The following FAM86B1 variants were observed in gnomAD, a reference collection of about 807,000 sequenced individuals.
FAM86B1 encodes the protein putative protein N-methyltransferase FAM86B1.
For synonymous variants in FAM86B1, 4 were observed against 137.6 expected (o/e 0.03, Z 6.79); for missense variants, 13 against 328.1 (o/e 0.04, Z 7.42).
intron 1 of FAM86B1, among the ~76,000 whole-genome samples, chr8:12,193,119 G>A (rs1166546341): frequency 7.0e-6 from 1 of 143,376 alleles, no homozygotes; most frequent in Non-Finnish European, 1.5e-5. Flanking sequence ...TTAGCATTCA[G>A]TGTGGGCATG....
Position 12,191,021 on chromosome 8 carries a change from A to C in FAM86B1, c.159+758T>G, listed in dbSNP as rs1172923805. Among the ~76,000 whole-genome samples, 14 of 148,776 alleles carry C rather than the reference A, an allele frequency of 9.4e-5. No homozygotes were observed. The East Asian group carries it at 2.8e-3, about 29-fold the overall frequency. ...CATGCTCGAAGCCCTGACCTACTGT[A>C]TTGCCCCGAAAGTCTTCCCTGCTGT... On this transcript the variant is annotated intron_variant, in intron 2 of 6. Transcript: ENST00000448228.
intron 1 of FAM86B1, among the ~76,000 whole-genome samples, chr8:12,192,807 G>A (rs1356849404): frequency 1.3e-5 from 2 of 150,314 alleles, no homozygotes; most frequent in Admixed American, 6.6e-5. Flanking sequence ...AGCTAACACC[G>A]ACATGCATTT....
chr8:12,193,375 G>A (rs1448225373), intron 1 of FAM86B1, among the ~76,000 whole-genome samples: 1 of 142,020 alleles, frequency 7.0e-6, no homozygotes, highest in Non-Finnish European at 1.5e-5. Flanking sequence ...ATGGAACGGG[G>A]TGCATTAAGC....
intron 2 of FAM86B1, among the ~76,000 whole-genome samples, chr8:12,191,031 A>G (rs868293136): frequency 0.011 from 1,627 of 148,186 alleles, 7 homozygotes; most frequent in African/African-American, 0.04. Context: ...ATTGCCCCGA[A>G]AGTCTTCCCT....
intron 2 of FAM86B1, among the ~76,000 whole-genome samples, chr8:12,191,142 G>T (rs1198295570): frequency 8.6e-6 from 1 of 115,702 alleles, no homozygotes; most frequent in Non-Finnish European, 1.7e-5. Context: ...TGGGCGTGGA[G>T]GATGTCTGCC....
chr8:12,186,036 G>A lies in FAM86B1; in HGVS notation c.640+316C>T, dbSNP rs1223201548. On this transcript the variant is annotated intron_variant, in intron 5 of 6. Coordinates refer to ENST00000448228, the MANE Select transcript of FAM86B1 (RefSeq NM_001083537.4). ...AGCCAAACAGCACCTTCTCTCAAGG[G>A]CCCTGACCTCGTACCAGAAGTGGTT... 2.8e-5 allele frequency: 8 copies of A among 281,954 alleles called. No individual in the cohort carries two copies. The East Asian group carries it at 5.0e-4, about 18-fold the overall frequency. 17.5% of individuals were successfully genotyped at this position (281,954 alleles called of 1,614,324 possible). A position where few individuals can be genotyped will look rare whatever the true frequency, so the allele number is the denominator to read the frequency against.
intron 2 of FAM86B1, among the ~76,000 whole-genome samples, chr8:12,190,917 C>T (rs1207302428): frequency 9.1e-6 from 1 of 109,776 alleles, no homozygotes; most frequent in Non-Finnish European, 1.8e-5. Context: ...GCTCTCCCTA[C>T]ATCTCATGCT....
In FAM86B1 at chr8:12,183,116, GC is replaced by G; in HGVS notation, c.*489del. Reference sequence around the variant, plus strand: ...GGATGTGGCAGCTGCAGCGGGCTTGGCTTTGTGAGGAACCGAGTGTGTCCAG... The same window carrying G: ...GGATGTGGCAGCTGCAGCGGGCTTGGTTTGTGAGGAACCGAGTGTGTCCAG... On this transcript the variant is annotated 3_prime_UTR_variant, in exon 7 of 7. Coordinates refer to ENST00000448228, the MANE Select transcript of FAM86B1 (RefSeq NM_001083537.4). The G allele has an allele frequency of 4.3e-6, 1 of 231,050 alleles. No homozygotes were observed. Among genetic ancestry groups the G allele is most frequent in the Admixed American group, 5.6e-5 (1 of 17,944 alleles). 14.3% of individuals were successfully genotyped at this position (231,050 alleles called of 1,614,324 possible).
In FAM86B1 at chr8:12,183,164, CT is replaced by C; in HGVS notation, c.*441del. The C allele has an allele frequency of 9.9e-6, 1 of 101,002 alleles. No homozygotes were observed. The highest frequency in any genetic ancestry group is 2.2e-5 in the Non-Finnish European group (1 of 45,962). The allele number at this position is 101,002 out of a possible 1,614,324, so 6.3% of individuals were successfully genotyped here. On this transcript the variant is annotated 3_prime_UTR_variant, in exon 7 of 7. Coordinates refer to ENST00000448228, the MANE Select transcript of FAM86B1 (RefSeq NM_001083537.4). ...CCAGGGATGTGGCAGCTGCAGCGGG[CT>C]TGGCTTTGTGAGGAACCGAGTGTGT...
At chr8:12,189,259 TAAATAA>T (rs1806391396) in intron 3 of FAM86B1, among the ~76,000 whole-genome samples, 9 of 28,220 alleles carry the variant, frequency 3.2e-4, no homozygotes, top group South Asian at 3.2e-3. Context: ...AAAAAATATA[TAAATAA>T]ATAAATAAAT....
At chr8:12,194,645 G>A (rs868275272), upstream of FAM86B1, 1,902 of 165,386 alleles carry the variant, frequency 0.012, 11 homozygotes, top group Middle Eastern at 0.038. Context: ...TTGGGGAGGG[G>A]CCCAGTGCCC....
intron 3 of FAM86B1, among the ~76,000 whole-genome samples, chr8:12,187,205 C>CTTT (rs1806027861): frequency 3.6e-5 from 1 of 27,564 alleles, no homozygotes; most frequent in African/African-American, 6.9e-5. Flanking sequence ...TGTTTTATCT[C>CTTT]ATTTTTTTTT....
rs1177727758 is a variant in FAM86B1 at position 12,186,100 on chromosome 8, C to T, written c.640+252G>A. The stretch of plus-strand genomic sequence containing the variant: ...GGTCTCTGAAGGACACAGGGCATGG[C>T]TCTGGGACAGAGCCATGTGGTGACG... On this transcript the variant is annotated intron_variant, in intron 5 of 6. Transcript: ENST00000448228. 2 of 316,274 alleles carry T rather than the reference C, an allele frequency of 6.3e-6. 1 individual carries two copies. The highest frequency in any genetic ancestry group is 1.1e-5 in the Non-Finnish European group (2 of 188,238). 19.6% of individuals were successfully genotyped at this position (316,274 alleles called of 1,614,324 possible).
At chr8:12,186,107 A>C in intron 5 of FAM86B1, 6 of 315,716 alleles carry the variant, frequency 1.9e-5, no homozygotes, top group Non-Finnish European at 2.1e-5. Flanking sequence ...TGGCTCTGGG[A>C]CAGAGCCATG....
chr8:12,189,298 ATAAG>A (rs1300440539), intron 3 of FAM86B1, among the ~76,000 whole-genome samples: 2,237 of 76,964 alleles, frequency 0.029, 5 homozygotes, highest in African/African-American at 0.035. Flanking sequence ...AAATAAATAA[ATAAG>A]TAAAAAATAA....
In FAM86B1 at chr8:12,182,388, T is replaced by C. The variant is rs1312756803; in HGVS notation, c.*1218A>G. ...AGTTTCCAGAAAGCATGATGTCAAG[T>C]TGGAAGTGGAGCGCTGCTGGGTTGT... is the stretch of plus-strand genomic sequence containing the variant. On this transcript the variant is annotated 3_prime_UTR_variant, in exon 7 of 7. Transcript: ENST00000448228. 1.9e-5 allele frequency: 11 copies of C among 579,962 alleles called. No homozygotes were observed. Among genetic ancestry groups the C allele is most frequent in the Admixed American group, 9.3e-5 (3 of 32,404 alleles). 35.9% of individuals were successfully genotyped at this position (579,962 alleles called of 1,614,324 possible). A position where few individuals can be genotyped will look rare whatever the true frequency, so the allele number is the denominator to read the frequency against.
At chr8:12,194,799 C>T (rs1347478618), upstream of FAM86B1, 5 of 148,842 alleles carry the variant, frequency 3.4e-5, no homozygotes, top group Non-Finnish European at 5.8e-5. Flanking sequence ...CCTAGCTGGG[C>T]TTGGGGCGGG....
At chr8:12,191,362 C>A (rs1806844248) in intron 2 of FAM86B1, among the ~76,000 whole-genome samples, 1 of 117,776 alleles carries the variant, frequency 8.5e-6, no homozygotes, top group Non-Finnish European at 1.7e-5. Flanking sequence ...GCACTTGAGT[C>A]CAAACCCCAC....
intron 6 of FAM86B1, among the ~76,000 whole-genome samples, chr8:12,183,979 G>A (rs1174336447): frequency 5.7e-3 from 193 of 33,752 alleles, no homozygotes; most frequent in Admixed American, 7.5e-3. Flanking sequence ...CAGGACAGAA[G>A]CAGAGATCTG....
Sources: allele counts gnomAD v4.1 joint callset (sites outside exome capture counted in the v4.1 genomes callset), GRCh38; gene constraint gnomAD v4.1.1; transcripts MANE v1.5; gene names NCBI Gene and HGNC (gene_info 2026-07-23, HGNC 2026-07-21).